KCNU1: variants seen among roughly 807,000 people sequenced by gnomAD.
KCNU1 encodes potassium calcium-activated channel subfamily U member 1, also known as potassium channel subfamily U member 1.
Under a neutral mutation model 126.8 loss-of-function variants are expected in KCNU1, and 93 were observed. The observed-to-expected ratio is 0.73, with a 90% confidence interval of 0.62 to 0.87. The LOEUF is 0.87. Ranked by LOEUF, KCNU1 falls within the 40% of genes least tolerant of loss-of-function variation. KCNU1 has a pLI of 0.00. For missense variants in KCNU1, 1,330 were observed against 1,367.1 expected (o/e 0.97, Z 0.43); for synonymous variants, 523 against 494.2 (o/e 1.06, Z -0.77).
chr8:36,812,118 C>T (rs897348238), intron 7 of KCNU1, among the ~76,000 whole-genome samples: 1 of 151,428 alleles, frequency 6.6e-6, no homozygotes. Flanking sequence ...TTGGCTCATG[C>T]CTGTAATCCC....
chr8:36,864,700 C>G (rs1805846417), intron 19 of KCNU1, among the ~76,000 whole-genome samples, 179 bp downstream of exon 19: 1 of 152,114 alleles, frequency 6.6e-6, no homozygotes, highest in African/African-American at 2.4e-5. Context: ...TCAAATACAC[C>G]TCTTTCTTCC....
intron 11 of KCNU1, 34 bp downstream of exon 11, chr8:36,833,693 T>G: frequency 7.9e-7 from 1 of 1,260,636 alleles, no homozygotes; most frequent in East Asian, 2.3e-5. Flanking sequence ...CTTGTAGTTT[T>G]CCTTAGTTGC....
chr8:36,900,583 T>C (rs1487066827), intron 19 of KCNU1, among the ~76,000 whole-genome samples: 7 of 152,118 alleles, frequency 4.6e-5, no homozygotes, highest in South Asian at 2.1e-4. Context: ...TGATTTTTTT[T>C]CCCCATAACA....
At chr8:36,914,625 G>A (rs924760388) in intron 22 of KCNU1, among the ~76,000 whole-genome samples, 1 of 152,122 alleles carries the variant, frequency 6.6e-6, no homozygotes, top group African/African-American at 2.4e-5. Flanking sequence ...GCAGAGTGAG[G>A]AATCTCTGAA....
At chr8:36,885,107 T>C (rs989414065) in intron 19 of KCNU1, among the ~76,000 whole-genome samples, 1 of 151,884 alleles carries the variant, frequency 6.6e-6, no homozygotes, top group Non-Finnish European at 1.5e-5. Context: ...AGAGGCTGAG[T>C]GTGGATAAGG....
intron 1 of KCNU1, 68 bp from the exon 2 acceptor site, chr8:36,787,238 C>G: frequency 2.1e-6 from 3 of 1,415,750 alleles, no homozygotes; most frequent in Non-Finnish European, 2.8e-6. Flanking sequence ...GCTCCATCAA[C>G]GTAAGTAGAA....
At chr8:36,828,915 C>A (rs1191629469) in intron 10 of KCNU1, among the ~76,000 whole-genome samples, 1 of 152,052 alleles carries the variant, frequency 6.6e-6, no homozygotes, top group Non-Finnish European at 1.5e-5. Context: ...CATACACATT[C>A]TTTCCAACAA....
intron 10 of KCNU1, among the ~76,000 whole-genome samples, chr8:36,831,475 A>T (rs926613079): frequency 2.0e-5 from 3 of 152,086 alleles, no homozygotes; most frequent in Admixed American, 6.5e-5. Flanking sequence ...ATGGTATCTC[A>T]TTGTGGTTTG....
At chr8:36,869,826 C>T (rs1358014158) in intron 19 of KCNU1, among the ~76,000 whole-genome samples, 2 of 152,132 alleles carry the variant, frequency 1.3e-5, no homozygotes, top group Non-Finnish European at 2.9e-5. Flanking sequence ...CACCCTCTGC[C>T]GTCATGTCTC....
rs1342283850 is a variant in KCNU1, at chr8:36,803,569, A to AT, written c.316-452dup. Among the ~76,000 whole-genome samples the AT allele has an allele frequency of 3.3e-5, 5 of 152,106 alleles. No homozygotes were observed. The East Asian group carries it at 7.7e-4, about 23-fold the overall frequency. The stretch of plus-strand genomic sequence containing the variant: ...ATCCTTTAGGGAACACATGTCTGGA[A>AT]TTTTTTCTATAATATAACCAACAAT... On this transcript the variant is annotated intron_variant, in intron 2 of 26. Transcript: ENST00000399881.
intron 19 of KCNU1, among the ~76,000 whole-genome samples, chr8:36,870,483 T>C (rs1027273160): frequency 9.2e-5 from 14 of 152,156 alleles, no homozygotes; most frequent in Admixed American, 2.6e-4. Flanking sequence ...TCCAAACTAT[T>C]CAGGCAAGAG....
intron 24 of KCNU1, among the ~76,000 whole-genome samples, chr8:36,930,491 A>C (rs968969643): frequency 1.3e-5 from 2 of 152,190 alleles, no homozygotes; most frequent in Admixed American, 6.6e-5. Context: ...AAGGATTATA[A>C]GTAAATCCAC....
At chr8:36,872,637 T>A in intron 19 of KCNU1, among the ~76,000 whole-genome samples, 1 of 152,196 alleles carries the variant, frequency 6.6e-6, no homozygotes, top group East Asian at 1.9e-4. Flanking sequence ...CATTGAGTAG[T>A]AAGCCTTCAA....
chr8:36,836,399 CT>C, intron 13 of KCNU1, 34 bp downstream of exon 13: 1 of 1,389,710 alleles, frequency 7.2e-7, no homozygotes. Context: ...CCATCTCCTC[CT>C]TTTATCTATA....
chr8:36,806,338 C>A lies in KCNU1; in HGVS notation c.538C>A (p.Pro180Thr). 6.2e-7 allele frequency: 1 copy of A among 1,610,202 alleles called. No homozygotes were observed. The highest frequency in any genetic ancestry group is 8.5e-7 in the Non-Finnish European group (1 of 1,177,916). ...MNSIVDIFTI[P>T]PTFISYYLKS... The stretch of plus-strand genomic sequence containing the variant: ...TTCAATCGTAGACATCTTTACCATC[C>A]CACCAACCTTTATTTCTTATTATTT... The change falls in exon 5 of 27, where the codon CCA (proline) becomes ACA (threonine). Residue 180 changes from proline (P) to threonine (T), a missense_variant. Transcript: ENST00000399881.
intron 10 of KCNU1, among the ~76,000 whole-genome samples, chr8:36,826,895 G>T (rs1405872474): frequency 1.3e-5 from 2 of 151,532 alleles, no homozygotes; most frequent in South Asian, 2.1e-4. Flanking sequence ...TTTATTTTTT[G>T]CATTTTTACC....
intron 22 of KCNU1, among the ~76,000 whole-genome samples, chr8:36,915,456 T>C (rs1461835219): frequency 1.3e-5 from 2 of 152,242 alleles, no homozygotes; most frequent in African/African-American, 4.8e-5. Flanking sequence ...AGAGTACATG[T>C]AACAATTATA....
At chr8:36,862,169 A>ATAGG (rs958762893) in intron 18 of KCNU1, among the ~76,000 whole-genome samples, 16 of 152,046 alleles carry the variant, frequency 1.1e-4, no homozygotes, top group Admixed American at 3.9e-4. Flanking sequence ...ATAGTTAGCT[A>ATAGG]TAGGTAGGTA....
intron 24 of KCNU1, among the ~76,000 whole-genome samples, chr8:36,929,883 G>A (rs1808647936): frequency 1.3e-5 from 2 of 152,216 alleles, no homozygotes; most frequent in Admixed American, 1.3e-4. Context: ...TGCTGTGGAA[G>A]CATTGTAAAC....
Sources: gnomAD v4.1 joint callset for allele counts (sites outside exome capture counted in the v4.1 genomes callset) on GRCh38, gnomAD v4.1.1 for gene constraint, MANE v1.5 for transcripts, NCBI Gene and HGNC (gene_info 2026-07-23, HGNC 2026-07-21) for gene names.